The following SLC9C1 variants were observed in gnomAD, a reference collection of about 807,000 sequenced individuals.
SLC9C1 encodes sodium/hydrogen exchanger 10.
Under a neutral mutation model 140.9 loss-of-function variants are expected in SLC9C1, and 97 were observed. That is an observed-to-expected ratio of 0.69 (90% CI 0.58 to 0.82). SLC9C1 has a LOEUF of 0.82. Among genes scored for constraint, SLC9C1 ranks in the 40% least tolerant of loss-of-function variants. SLC9C1 has a pLI of 0.00. For synonymous variants in SLC9C1, 440 were observed against 442.6 expected, an observed-to-expected ratio of 0.99 and a Z score of 0.07; for missense variants, 1,340 against 1,389.3, an observed-to-expected ratio of 0.96 and a Z score of 0.56.
chr3:112,293,383 T>A (rs1436716087), intron 1 of SLC9C1, among the ~76,000 whole-genome samples: 2 of 152,164 alleles, frequency 1.3e-5, no homozygotes, highest in East Asian at 3.8e-4. Context: ...AATTTGTCCT[T>A]GTCAGTCAGC....
chr3:112,257,172 T>C (rs376172524), intron 10 of SLC9C1, among the ~76,000 whole-genome samples: 1 of 152,006 alleles, frequency 6.6e-6, no homozygotes, highest in African/African-American at 2.4e-5. Flanking sequence ...AAACTAACAA[T>C]GACATTCACA....
chr3:112,199,901 A>G (rs2077864908), intron 19 of SLC9C1, among the ~76,000 whole-genome samples: 1 of 151,892 alleles, frequency 6.6e-6, no homozygotes, highest in African/African-American at 2.4e-5. Context: ...GTCATCGTCC[A>G]CTCAACCTGC....
At chr3:112,276,895 A>G (rs2080229057) in intron 5 of SLC9C1, among the ~76,000 whole-genome samples, 1 of 152,096 alleles carries the variant, frequency 6.6e-6, no homozygotes, top group Admixed American at 6.6e-5. Context: ...ATTTATTCAT[A>G]TATTTACACT....
In SLC9C1 at chr3:112,244,635, A is replaced by C. The variant is rs189773231; in HGVS notation, c.1198-559T>G. Among the ~76,000 whole-genome samples the C allele has an allele frequency of 2.0e-5, 3 of 152,320 alleles. No individual in the cohort carries two copies. In the East Asian group the frequency reaches 5.8e-4, roughly 29 times the overall value. ...GTCTTTGGTGCCACTTGATATCTTTATCTACTTGTATCTCAAGTCAGTCTT... is the reference window on the plus strand; with the variant it reads ...GTCTTTGGTGCCACTTGATATCTTTCTCTACTTGTATCTCAAGTCAGTCTT... On this transcript the variant is annotated intron_variant, in intron 10 of 28. Coordinates refer to ENST00000305815, the MANE Select transcript of SLC9C1 (RefSeq NM_183061.3).
chr3:112,187,231 C>T (rs1224929335), intron 20 of SLC9C1, among the ~76,000 whole-genome samples: 4 of 152,182 alleles, frequency 2.6e-5, no homozygotes, highest in African/African-American at 9.7e-5. Context: ...ATAGTATCCA[C>T]ATGACAGATT....
At position 112,180,637 on chromosome 3, in the gene SLC9C1, TCAAATGTTA is replaced by T. The variant is rs2077421994; in HGVS notation, c.2666_2674del (p.Val889_Phe891del). ...TTCTTCAAATATATCATTTCCACAA[TCAAATGTTA>T]CAACTTTGGCTTTTTCCTAAAAGAT... On this transcript the variant is annotated inframe_deletion, in exon 22 of 29. Transcript: ENST00000305815. 8.1e-6 allele frequency: 13 copies of T among 1,613,292 alleles called. No homozygotes were observed. Among genetic ancestry groups the T allele is most frequent in the Non-Finnish European group, 1.0e-5 (12 of 1,179,680 alleles).
At chr3:112,208,123 G>A (rs2108063207) in intron 16 of SLC9C1, 55 bp downstream of exon 16, 9 of 1,354,166 alleles carry the variant, frequency 6.6e-6, no homozygotes, top group East Asian at 5.2e-5. Flanking sequence ...ACAAGGCTAG[G>A]AAATCTCCCT....
intron 12 of SLC9C1, among the ~76,000 whole-genome samples, chr3:112,239,260 CG>C (rs932683813): frequency 1.3e-5 from 2 of 152,192 alleles, no homozygotes; most frequent in African/African-American, 4.8e-5. Flanking sequence ...GAGCCAGGTG[CG>C]GGATATAATC....
chr3:112,270,206 G>A (rs958567842), intron 6 of SLC9C1, 129 bp from the exon 7 acceptor site: 6 of 855,262 alleles, frequency 7.0e-6, no homozygotes, highest in South Asian at 2.5e-5. Flanking sequence ...GAACATGAGA[G>A]TGCAGATATC....
chr3:112,215,473 C>T (rs1270724664), intron 15 of SLC9C1, among the ~76,000 whole-genome samples: 1 of 151,930 alleles, frequency 6.6e-6, no homozygotes, highest in Non-Finnish European at 1.5e-5. Context: ...TCGTCTCAGC[C>T]CAAAATCTCC....
rs536500435 is a variant in SLC9C1 at position 112,144,217 on chromosome 3, G to A, written c.3525-2936C>T. Among the ~76,000 whole-genome samples the A allele has an allele frequency of 9.6e-5, 12 of 125,132 alleles. No individual in the cohort carries two copies. The East Asian group carries it at 1.0e-3, about 11-fold the overall frequency. 82.1% of individuals were successfully genotyped at this position (125,132 alleles called of 152,430 possible). On this transcript the variant is annotated intron_variant, in intron 28 of 28. Transcript: ENST00000305815. ...TTTTGAGACAGAGTCTCGCACTGTC[G>A]CCCGGGCTGGAGTGCAATGGTGTGA...
intron 1 of SLC9C1, among the ~76,000 whole-genome samples, chr3:112,287,870 G>A (rs1273916019): frequency 1.3e-5 from 2 of 151,732 alleles, no homozygotes; most frequent in African/African-American, 2.4e-5. Context: ...GGTGAAACCC[G>A]GTCTCTACTA....
At chr3:112,195,732 A>G (rs956553710) in intron 20 of SLC9C1, among the ~76,000 whole-genome samples, 1 of 152,128 alleles carries the variant, frequency 6.6e-6, no homozygotes, top group Non-Finnish European at 1.5e-5. Flanking sequence ...CAAAAACTCT[A>G]TTCCTTTAAC....
At chr3:112,163,225 C>G (rs2075360349) in intron 26 of SLC9C1, among the ~76,000 whole-genome samples, 1 of 147,718 alleles carries the variant, frequency 6.8e-6, no homozygotes, top group South Asian at 2.2e-4. Flanking sequence ...AAAACCAGCT[C>G]CTGGATTCAT....
intron 16 of SLC9C1, among the ~76,000 whole-genome samples, chr3:112,207,922 T>G (rs1332201120): frequency 2.0e-5 from 3 of 152,206 alleles, no homozygotes; most frequent in Non-Finnish European, 2.9e-5. Flanking sequence ...CAATACCTTT[T>G]AAACTCACTT....
intron 25 of SLC9C1, 81 bp from the exon 26 acceptor site, chr3:112,167,428 G>T: frequency 1.4e-6 from 2 of 1,388,816 alleles, no homozygotes; most frequent in South Asian, 1.5e-5. Context: ...GCTATTTCTG[G>T]CTTTCTCTAG....
intron 20 of SLC9C1, among the ~76,000 whole-genome samples, chr3:112,194,616 C>T (rs2077732071): frequency 6.6e-6 from 1 of 152,150 alleles, no homozygotes; most frequent in South Asian, 2.1e-4. Context: ...CTCCTTGAGA[C>T]TCCACTTTCA....
rs2077204134 is a variant in SLC9C1 at position 112,169,424 on chromosome 3, TTTAA to T, written c.2920-100_2920-97del. 8.7e-6 allele frequency: 10 copies of T among 1,150,676 alleles called. No individual in the cohort carries two copies. The Admixed American group carries it at 2.0e-4, about 23-fold the overall frequency. The allele number at this position is 1,150,676 out of a possible 1,614,324, so 71.3% of individuals were successfully genotyped here. A position where few individuals can be genotyped will look rare whatever the true frequency, so the allele number is the denominator to read the frequency against. On this transcript the variant is annotated intron_variant, in intron 23 of 28. Transcript: ENST00000305815. ...TTATGTACACTATTAAAGCTAATAA[TTTAA>T]TTAGGTAAGATTCACATAATAGCAT... is the stretch of plus-strand genomic sequence containing the variant.
At chr3:112,161,317 T>C (rs2075291557) in intron 26 of SLC9C1, among the ~76,000 whole-genome samples, 1 of 152,246 alleles carries the variant, frequency 6.6e-6, no homozygotes, top group African/African-American at 2.4e-5. Context: ...GCAATTGCTT[T>C]TTGTGTTTTA....
Sources: gnomAD v4.1 joint callset for allele counts (sites outside exome capture counted in the v4.1 genomes callset) on GRCh38, gnomAD v4.1.1 for gene constraint, MANE v1.5 for transcripts, NCBI Gene and HGNC (gene_info 2026-07-23, HGNC 2026-07-21) for gene names.